The following SDC3 variants were observed in gnomAD, a reference collection of about 807,000 sequenced individuals.
SDC3 encodes syndecan 3.
SDC3 carries 13 observed loss-of-function variants against 24.4 expected under a neutral mutation model. The ratio of observed to expected loss-of-function variants is 0.53; its 90% CI spans 0.35 to 0.85. The LOEUF (loss-of-function observed/expected upper bound fraction) is 0.85, where lower values mean the gene tolerates loss of function less well. Among genes scored for constraint, SDC3 ranks in the 40% least tolerant of loss-of-function variants. The pLI, the probability that SDC3 is intolerant of heterozygous loss-of-function variation, is 0.01. For synonymous variants in SDC3, 295 were observed against 260.9 expected (o/e 1.13, Z -1.26); for missense variants, 571 against 584.5 (o/e 0.98, Z 0.24).
intron 1 of SDC3, among the ~76,000 whole-genome samples, chr1:30,882,660 C>G (rs1305705514): frequency 6.6e-6 from 1 of 152,186 alleles, no homozygotes; most frequent in Non-Finnish European, 1.5e-5. Context: ...CCACTCATCA[C>G]TCACTCTGAG....
At chr1:30,888,840 C>A (rs1015098909) in intron 1 of SDC3, among the ~76,000 whole-genome samples, 7 of 152,226 alleles carry the variant, frequency 4.6e-5, no homozygotes, top group African/African-American at 1.4e-4. Context: ...GAAGTCACCA[C>A]CACCATCACC....
chr1:30,895,880 G>A (rs1294741638), intron 1 of SDC3, among the ~76,000 whole-genome samples: 1 of 151,716 alleles, frequency 6.6e-6, no homozygotes, highest in African/African-American at 2.4e-5. Flanking sequence ...AGGGAGGGAG[G>A]GGGGCTGAGC....
Position 30,876,957 on chromosome 1 carries a change from T to C in SDC3, c.465A>G (p.Arg155=). 2 of 1,613,450 alleles carry C rather than the reference T, an allele frequency of 1.2e-6. No homozygotes were observed. The highest frequency in any genetic ancestry group is 1.7e-6 in the Non-Finnish European group (2 of 1,179,878). The change falls in exon 3 of 5, where the codon AGA becomes AGG. Residue 155 remains arginine, a synonymous_variant. Transcript: ENST00000339394. ...VTEVPEEPSQ[R]ATTVSTTMAT... ...CCATGGTAGTGGAGACGGTGGTGGCTCTCTGGCTGGGCTCTTCCGGGACTT... is the reference window on the plus strand; with the variant it reads ...CCATGGTAGTGGAGACGGTGGTGGCCCTCTGGCTGGGCTCTTCCGGGACTT...
At chr1:30,894,264 T>A (rs1313655855) in intron 1 of SDC3, among the ~76,000 whole-genome samples, 4 of 144,584 alleles carry the variant, frequency 2.8e-5, no homozygotes, top group African/African-American at 1.1e-4. Context: ...TATGTGTGTG[T>A]GTGGGTGAGT....
At chr1:30,903,097 G>A (rs1392243761) in intron 1 of SDC3, among the ~76,000 whole-genome samples, 56 of 152,180 alleles carry the variant, frequency 3.7e-4, no homozygotes, top group Admixed American at 3.7e-3. Flanking sequence ...ACAGCTGGGG[G>A]ACCCCCACCA....
rs1639565911 is a variant in SDC3 at position 30,872,963 on chromosome 1, G to C, written c.*248C>G. On this transcript the variant is annotated 3_prime_UTR_variant, in exon 5 of 5. Coordinates refer to ENST00000339394, the MANE Select transcript of SDC3 (RefSeq NM_014654.4). ...TCTGACATGAGGTCCTGAAGCCCCAGACTGGTGGCAGGGATGAGGGGAACA... is the reference window on the plus strand; with the variant it reads ...TCTGACATGAGGTCCTGAAGCCCCACACTGGTGGCAGGGATGAGGGGAACA... 2.0e-6 allele frequency: 1 copy of C among 511,406 alleles called. No individual in the cohort carries two copies. Among genetic ancestry groups the C allele is most frequent in the African/African-American group, 1.9e-5 (1 of 52,484 alleles). 31.7% of individuals were successfully genotyped at this position (511,406 alleles called of 1,614,324 possible).
At chr1:30,905,655 T>G (rs975014288) in intron 1 of SDC3, among the ~76,000 whole-genome samples, 5 of 151,996 alleles carry the variant, frequency 3.3e-5, no homozygotes, top group African/African-American at 1.2e-4. Context: ...CAAACAAGAC[T>G]AACACCTAAG....
rs1639499409 is a variant in SDC3 at position 30,869,726 on chromosome 1, G to A, written c.*3485C>T. Reference sequence around the variant, plus strand: ...TGGTTAATAAACAGGTTACAGGGGAGAGAAGGGGCAGGGAAGGCCTGGGGG... The same window carrying A: ...TGGTTAATAAACAGGTTACAGGGGAAAGAAGGGGCAGGGAAGGCCTGGGGG... On this transcript the variant is annotated 3_prime_UTR_variant, in exon 5 of 5. Transcript: ENST00000339394. 2 of 398,584 alleles carry A rather than the reference G, an allele frequency of 5.0e-6. No individual in the cohort carries two copies. Among genetic ancestry groups the A allele is most frequent in the Non-Finnish European group, 4.4e-6 (1 of 226,194 alleles). The allele number at this position is 398,584 out of a possible 1,614,324, so 24.7% of individuals were successfully genotyped here.
chr1:30,886,095 C>G (rs149861670), intron 1 of SDC3, among the ~76,000 whole-genome samples: 24 of 152,202 alleles, frequency 1.6e-4, no homozygotes, highest in African/African-American at 5.5e-4. Flanking sequence ...CAGCACCCCC[C>G]ACACCCCACT....
chr1:30,876,824 T>A lies in SDC3; in HGVS notation c.598A>T (p.Thr200Ser). 6.2e-7 allele frequency: 1 copy of A among 1,611,038 alleles called. No homozygotes were observed. Among genetic ancestry groups the A allele is most frequent in the Non-Finnish European group, 8.5e-7 (1 of 1,178,612 alleles). Reference sequence around the variant, plus strand: ...ACGCCAGTGGTCCTTATAACAGCAGTGGTGGCCGTAAAAGGGGGTGCTGCA... The same window carrying A: ...ACGCCAGTGGTCCTTATAACAGCAGAGGTGGCCGTAAAAGGGGGTGCTGCA... ...TPAAPPFTAT[T>S]AVIRTTGVRR... The change falls in exon 3 of 5, where the codon ACT (threonine) becomes TCT (serine). Residue 200 changes from threonine (T) to serine (S), a missense_variant. Coordinates refer to ENST00000339394, the MANE Select transcript of SDC3 (RefSeq NM_014654.4).
chr1:30,876,722 T>C lies in SDC3; in HGVS notation c.700A>G (p.Thr234Ala). The C allele has an allele frequency of 1.3e-6, 2 of 1,594,792 alleles. No homozygotes were observed. Among genetic ancestry groups the C allele is most frequent in the Non-Finnish European group, 1.7e-6 (2 of 1,170,040 alleles). ...TCGGTGTCCAAGACAGCCGCCGTGG[T>C]GGGCGGGGAGGGCGCCTCGGGGGTA... ...ATTPEAPSPP[T>A]TAAVLDTEAP... The change falls in exon 3 of 5, where the codon ACC becomes GCC. Residue 234 changes from threonine to alanine, a missense_variant. By Grantham distance (58) the Thr-to-Ala change is moderately conservative. This residue lies in a region of SDC3 where 497 missense variants were observed against 471.6 expected (regional missense o/e 1.05). Coordinates refer to ENST00000339394, the MANE Select transcript of SDC3 (RefSeq NM_014654.4).
chr1:30,904,321 C>A (rs935073906), intron 1 of SDC3, among the ~76,000 whole-genome samples: 2 of 151,978 alleles, frequency 1.3e-5, no homozygotes, highest in African/African-American at 2.4e-5. Context: ...GCTTGGTGGG[C>A]GGGGCTCTCG....
At chr1:30,902,680 G>T (rs928203059) in intron 1 of SDC3, among the ~76,000 whole-genome samples, 3 of 152,182 alleles carry the variant, frequency 2.0e-5, no homozygotes, top group Non-Finnish European at 4.4e-5. Context: ...AAAATCAAAG[G>T]GCTCCAAGCA....
intron 1 of SDC3, among the ~76,000 whole-genome samples, chr1:30,879,783 C>A (rs1639712098): frequency 6.6e-6 from 1 of 152,198 alleles, no homozygotes; most frequent in Admixed American, 6.5e-5. Flanking sequence ...AAGCCCCCAA[C>A]TGAAGTAAAT....
rs74224340 is a variant in SDC3 at position 30,903,407 on chromosome 1, G to A, written c.138+5042C>T. 4.3e-3 allele frequency among the ~76,000 whole-genome samples: 650 copies of A among 152,072 alleles called. 15 individuals carry two copies. The East Asian group carries it at 0.055, about 13-fold the overall frequency. On this transcript the variant is annotated intron_variant, in intron 1 of 4. Coordinates refer to ENST00000339394, the MANE Select transcript of SDC3 (RefSeq NM_014654.4). ...ATGACCCAGACATAAACTCCCTTCCGCATACACATGTGTGGGCACACACAC... is the reference window on the plus strand; with the variant it reads ...ATGACCCAGACATAAACTCCCTTCCACATACACATGTGTGGGCACACACAC...
At chr1:30,875,257 G>C (rs1320874066) in intron 3 of SDC3, among the ~76,000 whole-genome samples, 1 of 152,248 alleles carries the variant, frequency 6.6e-6, no homozygotes, top group Non-Finnish European at 1.5e-5. Flanking sequence ...AGGCAGGCCT[G>C]ATGTCCAGGC....
At chr1:30,874,738 GC>G in intron 3 of SDC3, 150 bp from the exon 4 acceptor site, 1 of 739,494 alleles carries the variant, frequency 1.4e-6, no homozygotes, top group Admixed American at 2.8e-5. Context: ...GTGTAACAAT[GC>G]CCCCAGTTTA....
intron 2 of SDC3, chr1:30,877,415 A>G (rs1376934249): frequency 3.3e-6 from 2 of 611,516 alleles, no homozygotes; most frequent in Admixed American, 5.9e-5. Flanking sequence ...GCCTTCCTTG[A>G]CTATTCCTGC....
At chr1:30,889,989 T>G (rs914114072) in intron 1 of SDC3, among the ~76,000 whole-genome samples, 8 of 152,190 alleles carry the variant, frequency 5.3e-5, no homozygotes, top group African/African-American at 1.9e-4. Context: ...GTTCATACAA[T>G]GGAATATTAT....
Sources: gnomAD v4.1 joint callset for allele counts (sites outside exome capture counted in the v4.1 genomes callset) on GRCh38, gnomAD v4.1.1 for gene constraint, gnomAD v4.1.1 regional missense constraint, MANE v1.5 for transcripts, NCBI Gene and HGNC (gene_info 2026-07-23, HGNC 2026-07-21) for gene names.